The following ASXL3 variants were observed in gnomAD, a reference collection of about 807,000 sequenced individuals.
ASXL3 encodes the protein ASXL transcriptional regulator 3.
Under a neutral mutation model 170.6 loss-of-function variants are expected in ASXL3, and 34 were observed. That is an observed-to-expected ratio of 0.20 (90% CI 0.15 to 0.27). The LOEUF (loss-of-function observed/expected upper bound fraction) is 0.27, where lower values mean the gene tolerates loss of function less well. ASXL3 is among the 10% of genes least tolerant of loss of function. ASXL3 has a pLI of 1.00. For synonymous variants in ASXL3, 1,002 were observed against 989.1 expected (o/e 1.01, Z -0.24); for missense variants, 2,592 against 2,695.3 (o/e 0.96, Z 0.85).
chr18:33,671,319 C>T (rs1329738484), intron 6 of ASXL3, among the ~76,000 whole-genome samples: 2 of 152,104 alleles, frequency 1.3e-5, no homozygotes, highest in Admixed American at 6.6e-5. Context: ...TGTGGATTAA[C>T]GTTTGTATTT....
chr18:33,679,606 A>C (rs2066482492), intron 7 of ASXL3, among the ~76,000 whole-genome samples: 1 of 152,084 alleles, frequency 6.6e-6, no homozygotes, highest in Non-Finnish European at 1.5e-5. Flanking sequence ...TAAGTCTCCC[A>C]CCTCACATAA....
intron 8 of ASXL3, among the ~76,000 whole-genome samples, chr18:33,726,909 G>T (rs1366700066): frequency 6.6e-6 from 1 of 152,100 alleles, no homozygotes; most frequent in Non-Finnish European, 1.5e-5. Flanking sequence ...AGCTCCAAGG[G>T]CCTCTGTGCA....
intron 2 of ASXL3, among the ~76,000 whole-genome samples, chr18:33,621,184 T>G (rs913319741): frequency 1.3e-5 from 2 of 152,182 alleles, no homozygotes; most frequent in Non-Finnish European, 2.9e-5. Flanking sequence ...ATCAATAAAC[T>G]AAGGCTTAGG....
chr18:33,661,856 A>G (rs779041745), intron 5 of ASXL3, 119 bp downstream of exon 5: 4 of 1,156,238 alleles, frequency 3.5e-6, no homozygotes, highest in Non-Finnish European at 4.7e-6. Flanking sequence ...CCTGAATTCA[A>G]TCCCATCCAT....
chr18:33,611,816 TTC>T (rs1459256132), intron 2 of ASXL3, among the ~76,000 whole-genome samples: 2 of 152,024 alleles, frequency 1.3e-5, no homozygotes, highest in African/African-American at 4.8e-5. Context: ...AATTCTGATT[TTC>T]TGTTTTTGAT....
intron 4 of ASXL3, among the ~76,000 whole-genome samples, chr18:33,651,576 A>AC (rs2065999466): frequency 6.6e-6 from 1 of 152,100 alleles, no homozygotes; most frequent in Non-Finnish European, 1.5e-5. Flanking sequence ...AAGAATATTA[A>AC]CCATCAATTT....
At chr18:33,592,568 T>G (rs1010507373) in intron 1 of ASXL3, among the ~76,000 whole-genome samples, 3 of 152,334 alleles carry the variant, frequency 2.0e-5, no homozygotes, top group East Asian at 1.9e-4. Context: ...TTCAGTTAAG[T>G]TGGTTCTTGT....
intron 8 of ASXL3, among the ~76,000 whole-genome samples, chr18:33,706,709 C>T (rs2066965245): frequency 6.6e-6 from 1 of 151,528 alleles, no homozygotes; most frequent in Non-Finnish European, 1.5e-5. Context: ...TGTGTCAGAT[C>T]TTATAAATTC....
At chr18:33,669,514 C>A (rs1002765841) in intron 5 of ASXL3, among the ~76,000 whole-genome samples, 4 of 152,162 alleles carry the variant, frequency 2.6e-5, no homozygotes, top group Non-Finnish European at 4.4e-5. Context: ...AATGCTTTCT[C>A]TCATTTAAAT....
intron 8 of ASXL3, among the ~76,000 whole-genome samples, chr18:33,687,895 T>C (rs2066622940): frequency 6.6e-6 from 1 of 152,160 alleles, no homozygotes; most frequent in Non-Finnish European, 1.5e-5. Flanking sequence ...GAAGTTTGGG[T>C]GGGCTTCTTG....
intron 4 of ASXL3, among the ~76,000 whole-genome samples, chr18:33,651,553 G>A (rs2065998983): frequency 6.6e-6 from 1 of 152,072 alleles, no homozygotes; most frequent in East Asian, 1.9e-4. Flanking sequence ...ATGAAAGACT[G>A]GGGAGTATTG....
intron 8 of ASXL3, among the ~76,000 whole-genome samples, chr18:33,702,390 C>G (rs2066888064): frequency 6.6e-6 from 1 of 151,698 alleles, no homozygotes; most frequent in East Asian, 1.9e-4. Context: ...TTATTGTTGT[C>G]TTTTTAGTAA....
rs1347342274 is a variant in ASXL3 at position 33,644,463 on chromosome 18, TTGG to T, written c.138-427_138-425del. Among the ~76,000 whole-genome samples, 5 of 151,502 alleles carry T rather than the reference TTGG, an allele frequency of 3.3e-5. No homozygotes were observed. The East Asian group carries it at 9.7e-4, about 29-fold the overall frequency. On this transcript the variant is annotated intron_variant, in intron 2 of 11. Coordinates refer to ENST00000269197, the MANE Select transcript of ASXL3 (RefSeq NM_030632.3). Reference sequence around the variant, plus strand: ...GAATGGGATGGAGCTGCTCTTGAACTTGGTGGGTTTTTTTGTTTTTTTTTTTTT... The same window carrying T: ...GAATGGGATGGAGCTGCTCTTGAACTTGGGTTTTTTTGTTTTTTTTTTTTT...
At chr18:33,658,552 C>T (rs1454032163) in intron 4 of ASXL3, among the ~76,000 whole-genome samples, 2 of 152,070 alleles carry the variant, frequency 1.3e-5, no homozygotes, top group African/African-American at 2.4e-5. Flanking sequence ...GCAAATATGT[C>T]CTACCCATTT....
At chr18:33,678,035 A>G (rs964295887) in intron 7 of ASXL3, among the ~76,000 whole-genome samples, 1 of 152,092 alleles carries the variant, frequency 6.6e-6, no homozygotes, top group African/African-American at 2.4e-5. Context: ...GACTACAGGC[A>G]TGCGCCATTA....
chr18:33,671,809 T>C lies in ASXL3; in HGVS notation c.658T>C (p.Ser220Pro). ...TAAAGAAATGAAACATGGGCAAAAA[T>C]CTCCCACTGGAAAACAAACAAGTCA... ...SDKEMKHGQK[S>P]PTGKQTSQHL... The change falls in exon 7 of 12, where the codon TCT (serine) becomes CCT (proline). Residue 220 changes from serine (S) to proline (P), a missense_variant. Coordinates refer to ENST00000269197, the MANE Select transcript of ASXL3 (RefSeq NM_030632.3). 6.2e-7 allele frequency: 1 copy of C among 1,611,438 alleles called. No homozygotes were observed. Among genetic ancestry groups the C allele is most frequent in the South Asian group, 1.1e-5 (1 of 90,424 alleles).
chr18:33,648,142 T>A (rs1342499909), intron 4 of ASXL3, among the ~76,000 whole-genome samples: 1 of 152,100 alleles, frequency 6.6e-6, no homozygotes, highest in African/African-American at 2.4e-5. Flanking sequence ...TATTAAGCCA[T>A]TGTAGAGTTT....
In ASXL3 at chr18:33,641,995, C is replaced by G. The variant is rs140598211; in HGVS notation, c.138-2899C>G. Among the ~76,000 whole-genome samples, 28 of 151,904 alleles carry G rather than the reference C, an allele frequency of 1.8e-4. No individual in the cohort carries two copies. In the East Asian group the frequency reaches 2.7e-3, roughly 15 times the overall value. On this transcript the variant is annotated intron_variant, in intron 2 of 11. Transcript: ENST00000269197. Reference sequence around the variant, plus strand: ...TGTTGAATAAATTAAAAATAAGAACCATTACATAGAAGGCAATCAATTCTA... The same window carrying G: ...TGTTGAATAAATTAAAAATAAGAACGATTACATAGAAGGCAATCAATTCTA...
intron 2 of ASXL3, among the ~76,000 whole-genome samples, chr18:33,619,243 A>G (rs2065473315): frequency 6.6e-6 from 1 of 152,112 alleles, no homozygotes; most frequent in African/African-American, 2.4e-5. Context: ...TTTGTGGCCT[A>G]AGTCTAATAA....
Sources: gnomAD v4.1 joint callset for allele counts (sites outside exome capture counted in the v4.1 genomes callset) on GRCh38, gnomAD v4.1.1 for gene constraint, MANE v1.5 for transcripts, NCBI Gene and HGNC (gene_info 2026-07-23, HGNC 2026-07-21) for gene names.